Variants in BBS9 observed in about 807,000 individuals in gnomAD.
The protein encoded by BBS9 is protein PTHB1.
BBS9 carries 89 observed loss-of-function variants against 117.7 expected under a neutral mutation model. That is an observed-to-expected ratio of 0.76 (90% CI 0.64 to 0.90). The LOEUF is 0.90. BBS9 is among the 40% of genes least tolerant of loss of function. BBS9 has a pLI of 0.00. For synonymous variants in BBS9, 379 were observed against 370.9 expected (o/e 1.02, Z -0.25); for missense variants, 982 against 1,042.2 (o/e 0.94, Z 0.80).
At chr7:33,239,719 T>G (rs187635586) in intron 5 of BBS9, among the ~76,000 whole-genome samples, 2 of 152,324 alleles carry the variant, frequency 1.3e-5, no homozygotes, top group Admixed American at 1.3e-4. Context: ...AAATTTATTT[T>G]TAGATATGGA....
intron 4 of BBS9, among the ~76,000 whole-genome samples, chr7:33,174,435 G>A (rs1014774330): frequency 6.6e-6 from 1 of 152,216 alleles, no homozygotes; most frequent in Non-Finnish European, 1.5e-5. Context: ...TTGAGCCAGA[G>A]TAGGCTCAGA....
At chr7:33,552,036 T>A (rs1168574523) in intron 21 of BBS9, among the ~76,000 whole-genome samples, 1 of 152,182 alleles carries the variant, frequency 6.6e-6, no homozygotes, top group African/African-American at 2.4e-5. Flanking sequence ...AAGCAATTCT[T>A]GAGAAGTGTT....
At chr7:33,358,181 A>G (rs1819984765) in intron 16 of BBS9, among the ~76,000 whole-genome samples, 186 bp downstream of exon 16, 1 of 151,860 alleles carries the variant, frequency 6.6e-6, no homozygotes, top group Non-Finnish European at 1.5e-5. Context: ...ACAAGGTAAT[A>G]AGGTATTCCT....
chr7:33,630,521 ACTCT>A (rs1228510760), intron 21 of BBS9, among the ~76,000 whole-genome samples: 1 of 152,058 alleles, frequency 6.6e-6, no homozygotes, highest in Non-Finnish European at 1.5e-5. Flanking sequence ...TAAGGATCAA[ACTCT>A]CTCCTCGTGA....
At chr7:33,222,436 A>G (rs1453323124) in intron 5 of BBS9, among the ~76,000 whole-genome samples, 1 of 152,164 alleles carries the variant, frequency 6.6e-6, no homozygotes, top group African/African-American at 2.4e-5. Flanking sequence ...ATAGGAAATG[A>G]AGGAAGAAGA....
intron 2 of BBS9, among the ~76,000 whole-genome samples, chr7:33,151,465 G>A (rs1440526292): frequency 6.6e-6 from 1 of 152,100 alleles, no homozygotes; most frequent in African/African-American, 2.4e-5. Flanking sequence ...CTTTAGTGGG[G>A]ACAGGAATGG....
chr7:33,414,794 A>C (rs1831707503), intron 19 of BBS9, among the ~76,000 whole-genome samples: 1 of 152,152 alleles, frequency 6.6e-6, no homozygotes, highest in African/African-American at 2.4e-5. Flanking sequence ...TCTTAGAATA[A>C]ATTTTTAGAT....
intron 1 of BBS9, among the ~76,000 whole-genome samples, chr7:33,138,584 A>G (rs1220426314): frequency 6.6e-6 from 1 of 151,158 alleles, no homozygotes; most frequent in Non-Finnish European, 1.5e-5. Context: ...TCAGGAGCTA[A>G]CGAAGTGGTG....
chr7:33,219,106 G>T (rs895735207), intron 5 of BBS9, among the ~76,000 whole-genome samples: 2 of 152,222 alleles, frequency 1.3e-5, no homozygotes, highest in South Asian at 4.1e-4. Context: ...GCAATGAGGG[G>T]CTTAGCACCC....
intron 5 of BBS9, among the ~76,000 whole-genome samples, chr7:33,217,460 A>G (rs554908272): frequency 1.3e-5 from 2 of 152,338 alleles, no homozygotes; most frequent in East Asian, 3.9e-4. Context: ...AGCTTAAAGC[A>G]ACTTTGAAAA....
chr7:33,164,908 A>G lies in BBS9; in HGVS notation c.328+9206A>G, dbSNP rs1795422231. Among the ~76,000 whole-genome samples, 3 of 152,084 alleles carry G rather than the reference A, an allele frequency of 2.0e-5. No individual in the cohort carries two copies. In the South Asian group the frequency reaches 6.2e-4, roughly 32 times the overall value. Reference sequence around the variant, plus strand: ...GGTTATTTTGCCCGTTGGTTGATGCAGTTTCTTCCTAGCATCGATGGTCTT... The same window carrying G: ...GGTTATTTTGCCCGTTGGTTGATGCGGTTTCTTCCTAGCATCGATGGTCTT... On this transcript the variant is annotated intron_variant, in intron 4 of 22. Transcript: ENST00000242067.
At chr7:33,303,522 T>TCCCC (rs758450052) in intron 9 of BBS9, among the ~76,000 whole-genome samples, 59 of 77,036 alleles carry the variant, frequency 7.7e-4, no homozygotes, top group South Asian at 1.6e-3. Context: ...AATGATCCCC[T>TCCCC]CCCCCCGCCC....
intron 5 of BBS9, among the ~76,000 whole-genome samples, chr7:33,216,244 A>G (rs957623743): frequency 6.6e-6 from 1 of 152,218 alleles, no homozygotes; most frequent in African/African-American, 2.4e-5. Context: ...TAATAAGGCT[A>G]ACTCCCTTCT....
intron 9 of BBS9, among the ~76,000 whole-genome samples, chr7:33,307,466 G>T (rs1808262002): frequency 1.3e-5 from 2 of 151,484 alleles, no homozygotes; most frequent in African/African-American, 4.8e-5. Flanking sequence ...CAGTTTAGAA[G>T]TATAATCTTT....
At chr7:33,499,540 G>A (rs1161634764) in intron 19 of BBS9, among the ~76,000 whole-genome samples, 2 of 152,192 alleles carry the variant, frequency 1.3e-5, no homozygotes, top group Non-Finnish European at 2.9e-5. Context: ...TTCAGGTATT[G>A]GGAGATTAGC....
At chr7:33,546,015 GCTCCGC>G (rs889191697) in intron 21 of BBS9, among the ~76,000 whole-genome samples, 1 of 125,918 alleles carries the variant, frequency 7.9e-6, no homozygotes, top group Non-Finnish European at 1.6e-5. Flanking sequence ...CTCACTGCAA[GCTCCGC>G]CTCCCAGGTT....
chr7:33,485,430 C>T (rs1023597616), intron 19 of BBS9, among the ~76,000 whole-genome samples: 1 of 151,878 alleles, frequency 6.6e-6, no homozygotes, highest in Admixed American at 6.6e-5. Flanking sequence ...CTGCCTCAGC[C>T]TCCCGAGTAG....
chr7:33,257,066 A>G (rs1285028505), intron 5 of BBS9, among the ~76,000 whole-genome samples, 170 bp from the exon 6 acceptor site: 3 of 152,184 alleles, frequency 2.0e-5, no homozygotes, highest in Admixed American at 1.3e-4. Flanking sequence ...GTTGAGGGCA[A>G]TTAGGGATTG....
At chr7:33,596,299 C>CACAT (rs1491153351) in intron 21 of BBS9, among the ~76,000 whole-genome samples, 4,258 of 143,438 alleles carry the variant, frequency 0.03, 184 homozygotes, top group African/African-American at 0.082. Flanking sequence ...CACACACACA[C>CACAT]TTATATATGT....
Sources: gnomAD v4.1 joint callset for allele counts (sites outside exome capture counted in the v4.1 genomes callset) on GRCh38, gnomAD v4.1.1 for gene constraint, MANE v1.5 for transcripts, NCBI Gene and HGNC (gene_info 2026-07-23, HGNC 2026-07-21) for gene names.